The following GNAO1 variants were observed in gnomAD, a reference collection of about 807,000 sequenced individuals.
GNAO1 encodes the protein guanine nucleotide-binding protein G(o) subunit alpha.
For synonymous variants in GNAO1, 164 were observed against 180.7 expected, an observed-to-expected ratio of 0.91 and a Z score of 0.74; for missense variants, 166 against 478.7, an observed-to-expected ratio of 0.35 and a Z score of 6.10.
intron 6 of GNAO1, among the ~76,000 whole-genome samples, chr16:56,342,819 G>C (rs935060711): frequency 1.3e-5 from 2 of 152,178 alleles, no homozygotes; most frequent in South Asian, 4.1e-4. Flanking sequence ...TTTGCCTTAG[G>C]AGTCCATAAA....
chr16:56,341,131 T>C lies in GNAO1; in HGVS notation c.723+4271T>C. The C allele has an allele frequency of 2.8e-6, 2 of 706,646 alleles. 1 individual carries two copies. The highest frequency in any genetic ancestry group is 3.6e-5 in the South Asian group (2 of 54,924). 43.8% of individuals were successfully genotyped at this position (706,646 alleles called of 1,614,324 possible). On this transcript the variant is annotated intron_variant, in intron 6 of 8. Coordinates refer to ENST00000262493, the MANE Select transcript of GNAO1 (RefSeq NM_020988.3). The stretch of plus-strand genomic sequence containing the variant: ...ACGGTCCCCCACCCTGCCCCCAGAT[T>C]GTGCTCTAGAGAGGAGGGGCAGCTA...
intron 6 of GNAO1, chr16:56,345,118 T>A (rs1242061074): frequency 1.0e-5 from 10 of 985,452 alleles, no homozygotes; most frequent in Non-Finnish European, 1.1e-5. Context: ...ACTGCGGAGA[T>A]CCCTGAGCAG....
intron 6 of GNAO1, chr16:56,343,980 C>T (rs1321807407): frequency 1.2e-6 from 2 of 1,605,328 alleles, no homozygotes; most frequent in Non-Finnish European, 1.7e-6. Context: ...CACCCTTGCC[C>T]TGCCTGGCCT....
At chr16:56,253,595 T>C (rs2036819083) in intron 2 of GNAO1, among the ~76,000 whole-genome samples, 2 of 152,190 alleles carry the variant, frequency 1.3e-5, no homozygotes, top group Admixed American at 1.3e-4. Context: ...CTGTTTGGTG[T>C]TGGTAGGTGA....
At chr16:56,235,371 GGGACTACAA>G in intron 2 of GNAO1, 1 of 456,074 alleles carries the variant, frequency 2.2e-6, no homozygotes, top group South Asian at 1.5e-5. Flanking sequence ...GAATCCTGCA[GGGACTACAA>G]GGAGGTAGGT....
intron 4 of GNAO1, among the ~76,000 whole-genome samples, chr16:56,329,560 C>T (rs2037668728): frequency 6.6e-6 from 1 of 152,176 alleles, no homozygotes; most frequent in South Asian, 2.1e-4. Flanking sequence ...ATTGGAGGCT[C>T]CAGAGCCCTG....
At chr16:56,302,431 C>T (rs1162422806) in intron 3 of GNAO1, 4 of 152,378 alleles carry the variant, frequency 2.6e-5, no homozygotes, top group African/African-American at 9.6e-5. Context: ...TGGGCCCCTC[C>T]AGCTCAGACA....
intron 2 of GNAO1, among the ~76,000 whole-genome samples, chr16:56,254,902 T>C (rs2036832703): frequency 6.6e-6 from 1 of 152,336 alleles, no homozygotes; most frequent in Non-Finnish European, 1.5e-5. Flanking sequence ...ATTGCTTTAA[T>C]GTTATTTGAA....
chr16:56,342,480 T>G (rs2037815385), intron 6 of GNAO1, among the ~76,000 whole-genome samples: 1 of 152,210 alleles, frequency 6.6e-6, no homozygotes, highest in Non-Finnish European at 1.5e-5. Context: ...GGTCCTGTTC[T>G]TCTGCCCCTT....
chr16:56,237,865 T>C (rs2036653862), intron 2 of GNAO1, among the ~76,000 whole-genome samples: 1 of 152,234 alleles, frequency 6.6e-6, no homozygotes, highest in Non-Finnish European at 1.5e-5. Context: ...CAAGGCCAGC[T>C]GGCAACGGAT....
chr16:56,347,289 C>A, intron 6 of GNAO1: 1 of 985,394 alleles, frequency 1.0e-6, no homozygotes, highest in Non-Finnish European at 1.2e-6. Context: ...AGCTCCGCGG[C>A]CACCAGAGAT....
intron 2 of GNAO1, among the ~76,000 whole-genome samples, chr16:56,247,487 T>G (rs1162131231): frequency 7.2e-6 from 1 of 138,056 alleles, no homozygotes; most frequent in Admixed American, 7.5e-5. Context: ...GTGAGGTTTT[T>G]TTTTTTTTTT....
At chr16:56,285,600 G>A (rs2037158402) in intron 3 of GNAO1, among the ~76,000 whole-genome samples, 3 of 152,170 alleles carry the variant, frequency 2.0e-5, no homozygotes, top group Admixed American at 2.0e-4. Context: ...CTGTATTTTG[G>A]GACTCCTGGA....
chr16:56,229,919 A>AGT (rs1470497885), intron 2 of GNAO1, among the ~76,000 whole-genome samples: 1 of 152,152 alleles, frequency 6.6e-6, no homozygotes. Context: ...GAAGATGGTG[A>AGT]GTGTGTGCCC....
chr16:56,345,157 C>A, intron 6 of GNAO1: 1 of 985,888 alleles, frequency 1.0e-6, no homozygotes, highest in Non-Finnish European at 1.2e-6. Flanking sequence ...CTCCCGGTGA[C>A]GGTGACGCAG....
intron 6 of GNAO1, chr16:56,347,991 TC>T: frequency 1.0e-6 from 1 of 977,162 alleles, no homozygotes; most frequent in Non-Finnish European, 1.2e-6. Flanking sequence ...GGCTCGGGCG[TC>T]CCAGGCCCTC....
In GNAO1 at chr16:56,328,805, C is replaced by A. The variant is rs745893559; in HGVS notation, c.464+14C>A. On this transcript the variant is annotated intron_variant, in intron 4 of 8. Transcript: ENST00000262493. ...CTCTGCCAAATAGTGAGTGTCCCAG[C>A]GGGCGCATGGCCTGGAGCCGGGCAG... is the stretch of plus-strand genomic sequence containing the variant. The A allele has an allele frequency of 1.9e-6, 3 of 1,612,890 alleles. No individual in the cohort carries two copies. The South Asian group carries it at 3.3e-5, about 18-fold the overall frequency.
intron 3 of GNAO1, among the ~76,000 whole-genome samples, chr16:56,287,506 G>A (rs1194973726): frequency 6.6e-6 from 1 of 152,200 alleles, no homozygotes; most frequent in African/African-American, 2.4e-5. Flanking sequence ...CATGTTAACA[G>A]CTAAGCAAGG....
intron 2 of GNAO1, among the ~76,000 whole-genome samples, chr16:56,242,803 T>C (rs1231085179): frequency 6.6e-6 from 1 of 152,186 alleles, no homozygotes; most frequent in African/African-American, 2.4e-5. Context: ...TTAGACTTTA[T>C]CAAAATTTAA....
Sources: allele counts gnomAD v4.1 joint callset (sites outside exome capture counted in the v4.1 genomes callset), GRCh38; gene constraint gnomAD v4.1.1; transcripts MANE v1.5; gene names NCBI Gene and HGNC (gene_info 2026-07-23, HGNC 2026-07-21).